USP10: variants seen among roughly 807,000 people sequenced by gnomAD.
The protein encoded by USP10 is ubiquitin specific peptidase 10.
In USP10, 22 loss-of-function variants were observed where a neutral mutation model predicts 84.5. The observed-to-expected ratio is 0.26, with a 90% confidence interval of 0.19 to 0.37. USP10 has a LOEUF of 0.37. Among genes scored for constraint, USP10 ranks in the 10% least tolerant of loss-of-function variants. The pLI is 1.00. For missense variants in USP10, 1,019 were observed against 998.9 expected (o/e 1.02, Z -0.27); for synonymous variants, 454 against 387.6 (o/e 1.17, Z -2.01).
At chr16:84,775,482 G>A (rs987676623) in intron 13 of USP10, among the ~76,000 whole-genome samples, 2 of 152,226 alleles carry the variant, frequency 1.3e-5, no homozygotes, top group African/African-American at 4.8e-5. Context: ...TCAGAGGAGG[G>A]AGTTTCAGGC....
At chr16:84,701,677 A>G (rs1230244456) in intron 1 of USP10, among the ~76,000 whole-genome samples, 1 of 152,238 alleles carries the variant, frequency 6.6e-6, no homozygotes, top group Non-Finnish European at 1.5e-5. Context: ...AGGTTGATTG[A>G]AATGTTAATT....
chr16:84,772,696 C>A lies in USP10; in HGVS notation c.2143+11C>A, dbSNP rs1567652964. 6.2e-7 allele frequency: 1 copy of A among 1,613,836 alleles called. No homozygotes were observed. Among genetic ancestry groups the A allele is most frequent in the Non-Finnish European group, 8.5e-7 (1 of 1,179,804 alleles). ...TGGAAATTAGTAAAGGTAATGCATA[C>A]ATAAGGTCGGGAGTGTTCGTGGTGA... On this transcript the variant is annotated intron_variant, in intron 12 of 13. Coordinates refer to ENST00000219473, the MANE Select transcript of USP10 (RefSeq NM_005153.3).
At chr16:84,722,745 A>T (rs1293117727) in intron 1 of USP10, among the ~76,000 whole-genome samples, 1 of 152,018 alleles carries the variant, frequency 6.6e-6, no homozygotes, top group Non-Finnish European at 1.5e-5. Flanking sequence ...TTTTTAGTAG[A>T]GATGGAGTTT....
intron 11 of USP10, among the ~76,000 whole-genome samples, chr16:84,769,532 G>A (rs1264830568): frequency 6.6e-6 from 1 of 151,950 alleles, no homozygotes; most frequent in African/African-American, 2.4e-5. Context: ...GAGAGAGAGG[G>A]AAAAAGTGGT....
chr16:84,754,189 G>A (rs149010158), intron 4 of USP10, among the ~76,000 whole-genome samples: 13 of 152,280 alleles, frequency 8.5e-5, no homozygotes, highest in Non-Finnish European at 1.9e-4. Flanking sequence ...AGAATCTTGA[G>A]TGCCTTCTGT....
At chr16:84,754,115 G>T (rs1912244477) in intron 4 of USP10, among the ~76,000 whole-genome samples, 2 of 152,132 alleles carry the variant, frequency 1.3e-5, no homozygotes, top group African/African-American at 2.4e-5. Flanking sequence ...GTCCAGAGAA[G>T]GAGGCACACA....
At chr16:84,767,651 G>A (rs1392238577) in intron 10 of USP10, among the ~76,000 whole-genome samples, 2 of 152,236 alleles carry the variant, frequency 1.3e-5, no homozygotes, top group Non-Finnish European at 2.9e-5. Flanking sequence ...GTGTGGAGAG[G>A]AAGTGAAAGA....
chr16:84,708,648 T>G (rs1219642987), intron 1 of USP10, among the ~76,000 whole-genome samples: 4 of 152,216 alleles, frequency 2.6e-5, no homozygotes, highest in African/African-American at 4.8e-5. Context: ...TTCTGTCACT[T>G]TGTTTCATCA....
At chr16:84,778,397 AAATT>A (rs1915241024) in intron 13 of USP10, among the ~76,000 whole-genome samples, 1 of 152,218 alleles carries the variant, frequency 6.6e-6, no homozygotes, top group Non-Finnish European at 1.5e-5. Context: ...ACGAAAAAAT[AAATT>A]GTGTTATTTT....
chr16:84,744,493 C>T (rs937501288), intron 3 of USP10, 140 bp from the exon 4 acceptor site: 4 of 698,864 alleles, frequency 5.7e-6, no homozygotes, highest in Non-Finnish European at 6.7e-6. Flanking sequence ...GCAAATTGTT[C>T]AGCGTAAGTA....
At chr16:84,724,127 A>G (rs60664037) in intron 1 of USP10, among the ~76,000 whole-genome samples, 4,721 of 152,314 alleles carry the variant, frequency 0.031, 213 homozygotes, top group African/African-American at 0.11. Flanking sequence ...TTATTCAATA[A>G]TGAGGGCTAT....
intron 11 of USP10, among the ~76,000 whole-genome samples, chr16:84,768,915 T>G (rs757853859): frequency 1.3e-5 from 2 of 152,220 alleles, no homozygotes; most frequent in Non-Finnish European, 2.9e-5. Context: ...AGTATCACAT[T>G]ATAGCTTGGT....
At chr16:84,758,664 G>T (rs775187567) in intron 4 of USP10, 52 bp from the exon 5 acceptor site, 1 of 1,269,410 alleles carries the variant, frequency 7.9e-7, no homozygotes, top group Non-Finnish European at 1.2e-6. Flanking sequence ...TGATTTGAAT[G>T]TTCTTCACTA....
intron 11 of USP10, among the ~76,000 whole-genome samples, chr16:84,770,472 T>C (rs538305031): frequency 1.3e-5 from 2 of 152,228 alleles, no homozygotes; most frequent in East Asian, 3.9e-4. Flanking sequence ...GTTGAGTGAT[T>C]AGAAATTAAG....
At chr16:84,770,767 G>A (rs527805710) in intron 11 of USP10, among the ~76,000 whole-genome samples, 1,962 of 58,186 alleles carry the variant, frequency 0.034, 30 homozygotes, top group African/African-American at 0.065. Flanking sequence ...GCGAGACTCC[G>A]TCCCCAAAAA....
At chr16:84,752,142 G>T (rs895130534) in intron 4 of USP10, among the ~76,000 whole-genome samples, 1 of 152,154 alleles carries the variant, frequency 6.6e-6, no homozygotes, top group African/African-American at 2.4e-5. Flanking sequence ...TGAACTACAG[G>T]TTTCAATTTT....
intron 1 of USP10, among the ~76,000 whole-genome samples, chr16:84,715,149 C>A (rs907233161): frequency 6.6e-6 from 1 of 152,024 alleles, no homozygotes; most frequent in African/African-American, 2.4e-5. Flanking sequence ...GGTCTGGTCT[C>A]GACCTCCTGA....
intron 2 of USP10, among the ~76,000 whole-genome samples, chr16:84,734,493 T>G (rs1909641659): frequency 6.6e-6 from 1 of 152,230 alleles, no homozygotes; most frequent in African/African-American, 2.4e-5. Flanking sequence ...TGTCTTTTTC[T>G]TACTGATTTT....
At chr16:84,759,254 C>T (rs984865192) in intron 5 of USP10, 109 bp from the exon 6 acceptor site, 54 of 1,009,330 alleles carry the variant, frequency 5.4e-5, no homozygotes, top group Middle Eastern at 5.4e-4. Flanking sequence ...AGTAGTTCAA[C>T]GTCCTTAGCT....
Sources: allele counts gnomAD v4.1 joint callset (sites outside exome capture counted in the v4.1 genomes callset), GRCh38; gene constraint gnomAD v4.1.1; transcripts MANE v1.5; gene names NCBI Gene and HGNC (gene_info 2026-07-23, HGNC 2026-07-21).